SERGEF: variants seen among roughly 807,000 people sequenced by gnomAD.
SERGEF encodes secretion regulating guanine nucleotide exchange factor.
In SERGEF, 51 loss-of-function variants were observed where a neutral mutation model predicts 50.0. The observed-to-expected ratio is 1.02, with a 90% CI of 0.81 to 1.29. The LOEUF is 1.29. SERGEF is among the 50% of genes most tolerant of loss of function. The pLI, the probability that SERGEF is intolerant of heterozygous loss-of-function variation, is 0.00. For synonymous variants in SERGEF, 205 were observed against 212.4 expected (o/e 0.97, Z 0.30); for missense variants, 521 against 557.0 (o/e 0.94, Z 0.65).
At chr11:17,954,673 T>C (rs751929531) in intron 9 of SERGEF, among the ~76,000 whole-genome samples, 5 of 152,220 alleles carry the variant, frequency 3.3e-5, no homozygotes, top group Non-Finnish European at 7.3e-5. Context: ...TTCCTGCTCC[T>C]GCTCCAATGG....
chr11:17,814,663 A>G lies in SERGEF; in HGVS notation c.1049-26250T>C, dbSNP rs185097143. ...TTTTGATGCTTGTTTGCACATGAGGAAACCAAAGCTTGCTAACTATGATTC... is the reference window on the plus strand; with the variant it reads ...TTTTGATGCTTGTTTGCACATGAGGGAACCAAAGCTTGCTAACTATGATTC... On this transcript the variant is annotated intron_variant, in intron 10 of 10. Coordinates refer to ENST00000265965, the MANE Select transcript of SERGEF (RefSeq NM_012139.4). 4.2e-3 allele frequency among the ~76,000 whole-genome samples: 646 copies of G among 152,304 alleles called. 3 individuals carry two copies. The highest frequency in any genetic ancestry group is 0.014 in the South Asian group (69 of 4,824).
At chr11:17,806,297 AG>A (rs1849757256) in intron 10 of SERGEF, among the ~76,000 whole-genome samples, 1 of 152,262 alleles carries the variant, frequency 6.6e-6, no homozygotes, top group Admixed American at 6.5e-5. Flanking sequence ...GAAGGAGCAA[AG>A]ATGAATACGA....
At chr11:17,833,716 G>A (rs1459893649) in intron 10 of SERGEF, among the ~76,000 whole-genome samples, 3 of 152,258 alleles carry the variant, frequency 2.0e-5, no homozygotes, top group South Asian at 4.1e-4. Flanking sequence ...CTGGATGTGA[G>A]ACACAGTGTC....
intron 9 of SERGEF, among the ~76,000 whole-genome samples, chr11:17,900,778 G>A (rs1309227038): frequency 1.3e-5 from 2 of 152,160 alleles, no homozygotes; most frequent in South Asian, 4.1e-4. Flanking sequence ...GGGGAGACTG[G>A]CCTTAGGAAA....
chr11:18,013,017 A>G lies in SERGEF; in HGVS notation c.-7T>C. The G allele has an allele frequency of 3.6e-6, 5 of 1,379,140 alleles. No individual in the cohort carries two copies. The highest frequency in any genetic ancestry group is 1.7e-5 in the South Asian group (1 of 59,594). 85.4% of individuals were successfully genotyped at this position (1,379,140 alleles called of 1,614,324 possible). ...CGCTGGGCTCGCGCTCCATGCGAGGACGCTCCGCCGGCGCTTCCGGGAGGG... is the reference window on the plus strand; with the variant it reads ...CGCTGGGCTCGCGCTCCATGCGAGGGCGCTCCGCCGGCGCTTCCGGGAGGG... On this transcript the variant is annotated 5_prime_UTR_variant, in exon 1 of 11. Coordinates refer to ENST00000265965, the MANE Select transcript of SERGEF (RefSeq NM_012139.4). The surrounding 1 kb of genome is among the most constrained non-coding windows in gnomAD (Gnocchi z 4.3).
At chr11:17,802,942 T>A (rs1339491262) in intron 10 of SERGEF, among the ~76,000 whole-genome samples, 2 of 152,286 alleles carry the variant, frequency 1.3e-5, no homozygotes, top group African/African-American at 4.8e-5. Flanking sequence ...ACATTTCATT[T>A]TATTCAACTG....
chr11:17,935,866 T>G (rs1343825896), intron 9 of SERGEF, among the ~76,000 whole-genome samples: 4 of 152,170 alleles, frequency 2.6e-5, no homozygotes, highest in Non-Finnish European at 5.9e-5. Context: ...ATACAGTATA[T>G]TAGCAAGTGA....
At chr11:17,919,885 G>A (rs1336131263) in intron 9 of SERGEF, among the ~76,000 whole-genome samples, 1 of 151,510 alleles carries the variant, frequency 6.6e-6, no homozygotes, top group African/African-American at 2.4e-5. Flanking sequence ...AGCGGAGGTT[G>A]CAGTGAGCTG....
intron 3 of SERGEF, among the ~76,000 whole-genome samples, chr11:18,006,241 C>T (rs938649200): frequency 1.3e-5 from 2 of 152,194 alleles, no homozygotes; most frequent in African/African-American, 4.8e-5. Context: ...TCACTGCAAC[C>T]TCCACCTCCC....
chr11:17,988,456 G>T, intron 8 of SERGEF, 141 bp downstream of exon 8: 1 of 738,378 alleles, frequency 1.4e-6, no homozygotes, highest in Non-Finnish European at 2.0e-6. Context: ...CTGGCTGGTG[G>T]CAGAACTAGA....
intron 9 of SERGEF, among the ~76,000 whole-genome samples, chr11:17,923,517 A>G (rs1040863902): frequency 3.3e-5 from 5 of 152,062 alleles, no homozygotes; most frequent in Non-Finnish European, 7.4e-5. Context: ...AAACCTTCAC[A>G]CTCTCATGCA....
chr11:17,812,041 C>T (rs1398668689), intron 10 of SERGEF, among the ~76,000 whole-genome samples: 3 of 152,196 alleles, frequency 2.0e-5, no homozygotes, highest in African/African-American at 7.2e-5. Context: ...GGTCTGCCCA[C>T]CAAATGTGGT....
chr11:17,810,519 C>G (rs535945044), intron 10 of SERGEF, among the ~76,000 whole-genome samples: 26 of 152,314 alleles, frequency 1.7e-4, no homozygotes, highest in Non-Finnish European at 3.2e-4. Flanking sequence ...AAAATTCTAC[C>G]GAACAGAAAA....
At chr11:17,881,295 G>C (rs2133901011) in intron 9 of SERGEF, among the ~76,000 whole-genome samples, 1 of 152,334 alleles carries the variant, frequency 6.6e-6, no homozygotes, top group East Asian at 1.9e-4. Context: ...TTGAGGACCA[G>C]GGGCTTCCAG....
intron 9 of SERGEF, among the ~76,000 whole-genome samples, chr11:17,900,414 C>T (rs2133919777): frequency 6.6e-6 from 1 of 152,332 alleles, no homozygotes; most frequent in East Asian, 1.9e-4. Context: ...GCATTGCTAT[C>T]ATCCTGAATA....
At chr11:17,864,621 A>G (rs1211642647) in intron 10 of SERGEF, among the ~76,000 whole-genome samples, 3 of 152,210 alleles carry the variant, frequency 2.0e-5, no homozygotes, top group African/African-American at 7.2e-5. Flanking sequence ...CAGGTGTGGT[A>G]GTGGCAACGA....
chr11:18,004,792 G>T (rs1369943840), intron 3 of SERGEF, among the ~76,000 whole-genome samples: 2 of 152,090 alleles, frequency 1.3e-5, no homozygotes, highest in African/African-American at 4.8e-5. Flanking sequence ...GCCTCGTATT[G>T]GGATGGGAGG....
intron 7 of SERGEF, among the ~76,000 whole-genome samples, chr11:17,989,583 T>A (rs1380656653): frequency 6.6e-6 from 1 of 152,224 alleles, no homozygotes; most frequent in Non-Finnish European, 1.5e-5. Flanking sequence ...AAATATTTTG[T>A]AAATGAAAGC....
intron 10 of SERGEF, among the ~76,000 whole-genome samples, chr11:17,796,086 AAGAC>A (rs1162143966): frequency 6.6e-6 from 1 of 152,224 alleles, no homozygotes; most frequent in African/African-American, 2.4e-5. Flanking sequence ...GTCTCTGACA[AAGAC>A]AGGGAGAAAT....
Sources: gnomAD v4.1 joint callset for allele counts (sites outside exome capture counted in the v4.1 genomes callset) on GRCh38, gnomAD v4.1.1 for gene constraint, Gnocchi (gnomAD v3.1) non-coding constraint, MANE v1.5 for transcripts, NCBI Gene and HGNC (gene_info 2026-07-23, HGNC 2026-07-21) for gene names.